Variants in CNOT4 observed in about 807,000 individuals in gnomAD.
The protein encoded by CNOT4 is CCR4-associated factor 4.
A neutral mutation model predicts 73.8 loss-of-function variants in CNOT4; 8 were observed. The observed-to-expected ratio is 0.11, with a 90% CI of 0.06 to 0.20. The LOEUF (loss-of-function observed/expected upper bound fraction) is 0.20. CNOT4 is among the 10% of genes least tolerant of loss of function. CNOT4 has a pLI of 1.00. For synonymous variants in CNOT4, 293 were observed against 321.1 expected (o/e 0.91, Z 0.94); for missense variants, 564 against 883.4 (o/e 0.64, Z 4.58).
intron 10 of CNOT4, among the ~76,000 whole-genome samples, chr7:135,385,687 G>C (rs994336829): frequency 1.2e-4 from 18 of 152,104 alleles, no homozygotes; most frequent in African/African-American, 4.3e-4. Context: ...TGAAATATAA[G>C]TATTCAATAC....
intron 1 of CNOT4, among the ~76,000 whole-genome samples, chr7:135,453,673 T>A (rs1800314260): frequency 6.7e-6 from 1 of 150,194 alleles, no homozygotes; most frequent in African/African-American, 2.4e-5. Flanking sequence ...TTTTTGAAAA[T>A]TTAAACAAAA....
intron 7 of CNOT4, among the ~76,000 whole-genome samples, chr7:135,401,577 G>T (rs1797003436): frequency 6.6e-6 from 1 of 152,060 alleles, no homozygotes; most frequent in African/African-American, 2.4e-5. Context: ...CAATGGGAGA[G>T]ATTTTTTTTA....
At chr7:135,424,509 G>A (rs982573004) in intron 2 of CNOT4, among the ~76,000 whole-genome samples, 1 of 152,092 alleles carries the variant, frequency 6.6e-6, no homozygotes, top group Admixed American at 6.6e-5. Flanking sequence ...TTGAGGCCAG[G>A]CGCGGTGGCT....
At chr7:135,458,952 T>C (rs1258593892) in intron 1 of CNOT4, among the ~76,000 whole-genome samples, 1 of 152,100 alleles carries the variant, frequency 6.6e-6, no homozygotes, top group Non-Finnish European at 1.5e-5. Context: ...GCTTCTAGAA[T>C]GATGAATCCT....
chr7:135,470,157 C>T (rs973904464), intron 1 of CNOT4, among the ~76,000 whole-genome samples: 2 of 151,246 alleles, frequency 1.3e-5, no homozygotes, highest in Non-Finnish European at 2.9e-5. Flanking sequence ...GCCAGGGTCT[C>T]ACTTTGTCAC....
At chr7:135,384,678 T>C (rs745815772) in intron 10 of CNOT4, 3 of 765,304 alleles carry the variant, frequency 3.9e-6, no homozygotes, top group South Asian at 2.7e-5. Flanking sequence ...AATGAGCCTA[T>C]CTTCTCTTCA....
chr7:135,450,063 TAGTC>T (rs1409306275), intron 1 of CNOT4, among the ~76,000 whole-genome samples: 1 of 152,098 alleles, frequency 6.6e-6, no homozygotes, highest in African/African-American at 2.4e-5. Flanking sequence ...CAGCTAAAAA[TAGTC>T]AGGCACAGTG....
chr7:135,431,103 A>T (rs373007322), intron 2 of CNOT4, among the ~76,000 whole-genome samples: 108 of 152,290 alleles, frequency 7.1e-4, no homozygotes, highest in African/African-American at 9.9e-4. Context: ...TTACAAAAAA[A>T]TTTTTTAAAC....
chr7:135,446,712 T>C (rs1563055777), intron 1 of CNOT4, among the ~76,000 whole-genome samples: 2 of 151,446 alleles, frequency 1.3e-5, no homozygotes, highest in South Asian at 2.1e-4. Flanking sequence ...AGATATGAAA[T>C]ACACACACAG....
intron 1 of CNOT4, among the ~76,000 whole-genome samples, chr7:135,504,958 ATTC>A (rs1804269283): frequency 2.6e-5 from 4 of 152,090 alleles, no homozygotes; most frequent in Admixed American, 2.6e-4. Context: ...AAAGCATTTT[ATTC>A]TTCTAATTAC....
chr7:135,435,420 C>G (rs909540667), intron 2 of CNOT4, among the ~76,000 whole-genome samples: 2 of 152,180 alleles, frequency 1.3e-5, no homozygotes, highest in Non-Finnish European at 2.9e-5. Context: ...CCACTCAGCA[C>G]AAGCTTCCAA....
At chr7:135,504,627 C>CT (rs1804236549) in intron 1 of CNOT4, among the ~76,000 whole-genome samples, 1 of 118,002 alleles carries the variant, frequency 8.5e-6, no homozygotes. Flanking sequence ...GCTGGGACTA[C>CT]AGGCGCCCGC....
chr7:135,421,707 T>C (rs17480406), intron 3 of CNOT4, among the ~76,000 whole-genome samples: 1 of 152,218 alleles, frequency 6.6e-6, no homozygotes. Context: ...GTAATAGTTC[T>C]GAAAAATCAA....
chr7:135,478,186 T>C (rs1802121587), intron 1 of CNOT4, among the ~76,000 whole-genome samples: 1 of 152,202 alleles, frequency 6.6e-6, no homozygotes, highest in South Asian at 2.1e-4. Context: ...TTCCAGTTGT[T>C]AGGTAATTTT....
chr7:135,419,186 A>G (rs1798038889), intron 3 of CNOT4, among the ~76,000 whole-genome samples: 1 of 152,108 alleles, frequency 6.6e-6, no homozygotes, highest in South Asian at 2.1e-4. Flanking sequence ...TTGACAATCA[A>G]TCTTGGTATG....
intron 1 of CNOT4, among the ~76,000 whole-genome samples, chr7:135,471,581 A>C (rs1327155142): frequency 6.6e-6 from 1 of 152,242 alleles, no homozygotes; most frequent in Non-Finnish European, 1.5e-5. Flanking sequence ...AATTATAGGC[A>C]GAATAGCAGC....
At chr7:135,493,769 G>T (rs1434898077) in intron 1 of CNOT4, among the ~76,000 whole-genome samples, 1 of 152,182 alleles carries the variant, frequency 6.6e-6, no homozygotes, top group Non-Finnish European at 1.5e-5. Context: ...ATCAATGGAA[G>T]ACAACAGTTT....
chr7:135,394,472 A>T, intron 9 of CNOT4, 57 bp from the exon 10 acceptor site: 1 of 1,342,172 alleles, frequency 7.5e-7, no homozygotes, highest in Non-Finnish European at 1.0e-6. Flanking sequence ...TTCATACTTA[A>T]TAAGTATCCA....
intron 2 of CNOT4, among the ~76,000 whole-genome samples, chr7:135,431,933 A>G (rs1224753399): frequency 6.6e-6 from 1 of 152,228 alleles, no homozygotes; most frequent in Non-Finnish European, 1.5e-5. Context: ...TTTTTCCTCA[A>G]AATGATCTAA....
Sources: gnomAD v4.1 joint callset for allele counts (sites outside exome capture counted in the v4.1 genomes callset) on GRCh38, gnomAD v4.1.1 for gene constraint, MANE v1.5 for transcripts, NCBI Gene and HGNC (gene_info 2026-07-23, HGNC 2026-07-21) for gene names.